RAB3GAP2: variants seen among roughly 807,000 people sequenced by gnomAD.
The protein encoded by RAB3GAP2 is RAB3 GTPase activating non-catalytic protein subunit 2, also known as rab3 GTPase-activating protein non-catalytic subunit.
A neutral mutation model predicts 185.3 loss-of-function variants in RAB3GAP2; 87 were observed. The ratio of observed to expected loss-of-function variants is 0.47; its 90% CI spans 0.39 to 0.56. The LOEUF is 0.56. Among genes scored for constraint, RAB3GAP2 ranks in the 20% least tolerant of loss-of-function variants. The probability of loss-of-function intolerance (pLI) is 0.00; values close to 1 mark genes in which losing one functional copy is unlikely to be tolerated. For synonymous variants in RAB3GAP2, 554 were observed against 576.1 expected (o/e 0.96, Z 0.55); for missense variants, 1,492 against 1,638.2 (o/e 0.91, Z 1.54).
intron 1 of RAB3GAP2, among the ~76,000 whole-genome samples, chr1:220,237,581 T>C (rs1659616392): frequency 2.0e-5 from 3 of 152,228 alleles, no homozygotes; most frequent in Non-Finnish European, 4.4e-5. Context: ...GAGATGGCTC[T>C]ACTCTCAGAG....
chr1:220,190,086 C>T lies in RAB3GAP2; in HGVS notation c.1692G>A (p.Leu564=). 6.2e-7 allele frequency: 1 copy of T among 1,613,118 alleles called. No individual in the cohort carries two copies. The highest frequency in any genetic ancestry group is 8.5e-7 in the Non-Finnish European group (1 of 1,179,208). ...TACCAAGATTGGGAGATTTTGTTTT[C>T]AGTAAGGCTGCTAGTTTCTTCACTA... ...MHLVKKLAAL[L]KTKSPNLDLV... The change falls in exon 16 of 35, where the codon CTG becomes CTA. Residue 564 remains leucine (L), a synonymous_variant. Coordinates refer to ENST00000358951, the MANE Select transcript of RAB3GAP2 (RefSeq NM_012414.4).
intron 26 of RAB3GAP2, among the ~76,000 whole-genome samples, chr1:220,165,618 T>G (rs1440800619): frequency 6.6e-6 from 1 of 152,126 alleles, no homozygotes; most frequent in Non-Finnish European, 1.5e-5. Context: ...CTGAGACTGG[T>G]TGGATGGGGC....
chr1:220,154,745 G>A, intron 31 of RAB3GAP2, among the ~76,000 whole-genome samples: 1 of 124,032 alleles, frequency 8.1e-6, no homozygotes, highest in Admixed American at 8.9e-5. Flanking sequence ...TTTTGAGACA[G>A]AGTCTCACTC....
At chr1:220,236,662 GCA>G (rs1659596613) in intron 1 of RAB3GAP2, among the ~76,000 whole-genome samples, 1 of 149,842 alleles carries the variant, frequency 6.7e-6, no homozygotes, top group Non-Finnish European at 1.5e-5. Flanking sequence ...AGCAGGTCAA[GCA>G]CATTCTTTAG....
At chr1:220,248,673 CT>C (rs1319353370) in intron 1 of RAB3GAP2, among the ~76,000 whole-genome samples, 16 of 151,556 alleles carry the variant, frequency 1.1e-4, no homozygotes, top group Non-Finnish European at 2.1e-4. Flanking sequence ...AAGAATAACC[CT>C]AAGACTTTTT....
intron 1 of RAB3GAP2, among the ~76,000 whole-genome samples, chr1:220,270,059 G>A (rs1442455141): frequency 6.6e-6 from 1 of 152,032 alleles, no homozygotes; most frequent in Non-Finnish European, 1.5e-5. Context: ...ACTGTCCTAA[G>A]GTCCAAGTTA....
At chr1:220,189,563 T>A in intron 17 of RAB3GAP2, 140 bp downstream of exon 17, 8 of 740,722 alleles carry the variant, frequency 1.1e-5, no homozygotes, top group Non-Finnish European at 7.7e-6. Flanking sequence ...TATCTGAAAA[T>A]AAAGAAAGGG....
chr1:220,177,125 ACC>A (rs1333762833), intron 21 of RAB3GAP2, among the ~76,000 whole-genome samples: 1 of 152,300 alleles, frequency 6.6e-6, no homozygotes, highest in Middle Eastern at 3.4e-3. Context: ...AGACTTCTGG[ACC>A]CAGGTCCCTG....
At chr1:220,174,019 CA>C (rs398050108) in intron 21 of RAB3GAP2, among the ~76,000 whole-genome samples, 95 of 51,002 alleles carry the variant, frequency 1.9e-3, no homozygotes, top group South Asian at 7.7e-3. Context: ...GACTCTGTCT[CA>C]AAAAAAAAAA....
chr1:220,228,386 T>C (rs186269287), intron 2 of RAB3GAP2, among the ~76,000 whole-genome samples: 19 of 152,314 alleles, frequency 1.2e-4, no homozygotes, highest in Admixed American at 1.0e-3. Flanking sequence ...TTACTTCAGC[T>C]GAGTAGATTT....
chr1:220,242,008 A>G (rs917803651), intron 1 of RAB3GAP2, among the ~76,000 whole-genome samples: 21 of 152,150 alleles, frequency 1.4e-4, no homozygotes, highest in African/African-American at 4.8e-4. Context: ...AACCAATTCT[A>G]TATTTTCCTT....
intron 33 of RAB3GAP2, among the ~76,000 whole-genome samples, chr1:220,152,656 C>A (rs1657781660): frequency 6.6e-6 from 1 of 152,168 alleles, no homozygotes; most frequent in Admixed American, 6.5e-5. Context: ...CTTCTCTGAC[C>A]ACTCTACTGT....
Position 220,153,358 on chromosome 1 carries a change from T to C in RAB3GAP2, c.3694A>G (p.Thr1232Ala), listed in dbSNP as rs142425734. 5.0e-6 allele frequency: 8 copies of C among 1,614,214 alleles called. No individual in the cohort carries two copies. Among genetic ancestry groups the C allele is most frequent in the Non-Finnish European group, 5.9e-6 (7 of 1,180,024 alleles). ...TCTTCTGTGGGATCTTTGACCTTTG[T>C]GGCTGAATGTTGGGCCTGGACAGCT... ...SAAVQAQHSA[T>A]KVKDPTEEAT... The change falls in exon 33 of 35, where the codon ACA (threonine) becomes GCA (alanine). Residue 1232 changes from threonine to alanine, a missense_variant. Thr to Ala is a moderately conservative substitution (Grantham distance 58). Around this residue, in one of 5 missense-constraint regions of RAB3GAP2, gnomAD observed 387 missense variants for 455.3 expected, o/e 0.85. Coordinates refer to ENST00000358951, the MANE Select transcript of RAB3GAP2 (RefSeq NM_012414.4).
intron 1 of RAB3GAP2, among the ~76,000 whole-genome samples, chr1:220,258,017 C>T (rs1014427981): frequency 2.0e-5 from 3 of 152,166 alleles, no homozygotes; most frequent in Middle Eastern, 3.4e-3. Flanking sequence ...TTCCTAGACA[C>T]ATACATCTTC....
intron 21 of RAB3GAP2, among the ~76,000 whole-genome samples, chr1:220,182,029 C>T (rs996850139): frequency 3.3e-5 from 5 of 151,246 alleles, no homozygotes; most frequent in African/African-American, 1.2e-4. Context: ...GCAAGACTCT[C>T]TCTCTCTCTC....
At chr1:220,186,528 A>G (rs1658511158) in intron 17 of RAB3GAP2, among the ~76,000 whole-genome samples, 2 of 152,166 alleles carry the variant, frequency 1.3e-5, no homozygotes, top group African/African-American at 4.8e-5. Context: ...AACAATAAAG[A>G]AAGTGACTGT....
At chr1:220,248,374 G>GA (rs928151017) in intron 1 of RAB3GAP2, among the ~76,000 whole-genome samples, 11 of 150,198 alleles carry the variant, frequency 7.3e-5, no homozygotes, top group Admixed American at 3.3e-4. Flanking sequence ...CCAACCAAAA[G>GA]AAAAAAAAAT....
intron 1 of RAB3GAP2, chr1:220,253,479 G>A (rs539537883): frequency 1.7e-5 from 26 of 1,512,040 alleles, no homozygotes; most frequent in African/African-American, 1.4e-4. Flanking sequence ...AGTGCCTGAC[G>A]GCGCGTCTGA....
At chr1:220,206,107 C>T (rs1374286460) in intron 7 of RAB3GAP2, 101 bp from the exon 8 acceptor site, 5 of 745,682 alleles carry the variant, frequency 6.7e-6, no homozygotes, top group African/African-American at 1.8e-5. Context: ...AACCACCCAA[C>T]ACCCAAAGCA....
Sources: allele counts gnomAD v4.1 joint callset (sites outside exome capture counted in the v4.1 genomes callset), GRCh38; gene constraint gnomAD v4.1.1; regional missense constraint gnomAD v4.1.1; transcripts MANE v1.5; gene names NCBI Gene and HGNC (gene_info 2026-07-23, HGNC 2026-07-21).